Variants in DOCK9 observed in about 807,000 individuals in gnomAD.
DOCK9 encodes the protein dedicator of cytokinesis 9.
In DOCK9, 89 loss-of-function variants were observed where a neutral mutation model predicts 263.3. The ratio of observed to expected loss-of-function variants is 0.34; its 90% CI spans 0.28 to 0.40. The LOEUF (loss-of-function observed/expected upper bound fraction) is 0.40. Among genes scored for constraint, DOCK9 ranks in the 10% least tolerant of loss-of-function variants. The pLI, the probability that DOCK9 is intolerant of heterozygous loss-of-function variation, is 1.00. For synonymous variants in DOCK9, 976 were observed against 973.1 expected (o/e 1.00, Z -0.06); for missense variants, 2,140 against 2,603.4 (o/e 0.82, Z 3.87).
At chr13:99,060,656 T>C (rs1195628019) in intron 1 of DOCK9, among the ~76,000 whole-genome samples, 1 of 152,210 alleles carries the variant, frequency 6.6e-6, no homozygotes, top group Admixed American at 6.5e-5. Flanking sequence ...TTATAATATC[T>C]GTCTTTATAA....
chr13:98,936,445 C>A (rs2054842519), intron 2 of DOCK9, among the ~76,000 whole-genome samples: 1 of 151,898 alleles, frequency 6.6e-6, no homozygotes, highest in Non-Finnish European at 1.5e-5. Flanking sequence ...CATAGCGTGA[C>A]CTTGTCTCTA....
chr13:98,870,852 G>A (rs1259389818), intron 27 of DOCK9, among the ~76,000 whole-genome samples: 1 of 148,542 alleles, frequency 6.7e-6, no homozygotes, highest in Non-Finnish European at 1.5e-5. Context: ...AAACTGTGGG[G>A]AATTCTGCTG....
At chr13:99,023,777 G>C (rs547819092) in intron 1 of DOCK9, among the ~76,000 whole-genome samples, 4 of 152,242 alleles carry the variant, frequency 2.6e-5, no homozygotes, top group South Asian at 4.1e-4. Context: ...TCTCTCCATT[G>C]GCCTGTCAGC....
At chr13:98,996,840 T>C (rs1184441923) in intron 1 of DOCK9, among the ~76,000 whole-genome samples, 2 of 152,206 alleles carry the variant, frequency 1.3e-5, no homozygotes, top group African/African-American at 4.8e-5. Flanking sequence ...ATATTTCTTA[T>C]TATAATAACT....
chr13:98,803,272 T>C (rs1400197885), intron 49 of DOCK9, among the ~76,000 whole-genome samples: 1 of 152,222 alleles, frequency 6.6e-6, no homozygotes, highest in East Asian at 1.9e-4. Context: ...AACAAAATGA[T>C]GACCTGTAAC....
chr13:98,964,455 C>T (rs532188925), intron 1 of DOCK9, among the ~76,000 whole-genome samples: 40 of 152,178 alleles, frequency 2.6e-4, no homozygotes, highest in Non-Finnish European at 5.4e-4. Context: ...ATTGAGGATT[C>T]CCTGCAGAGA....
intron 43 of DOCK9, among the ~76,000 whole-genome samples, chr13:98,827,984 A>G (rs1248415084): frequency 6.6e-6 from 1 of 152,212 alleles, no homozygotes; most frequent in Admixed American, 6.5e-5. Flanking sequence ...ATTAGTTAAG[A>G]TGAGGTCATA....
At position 98,867,524 on chromosome 13, in the gene DOCK9, A is replaced by G; in HGVS notation, c.3187T>C (p.Tyr1063His). The G allele has an allele frequency of 6.2e-7, 1 of 1,605,790 alleles. No homozygotes were observed. Among genetic ancestry groups the G allele is most frequent in the Non-Finnish European group, 8.5e-7 (1 of 1,174,146 alleles). ...ACTACACGGAGAAATTCAAACTTGTATTCAAAGAGGGTCTGCAGGAAGAAG... is the reference window on the plus strand; with the variant it reads ...ACTACACGGAGAAATTCAAACTTGTGTTCAAAGAGGGTCTGCAGGAAGAAG... ...APGDPKTLFE[Y>H]KFEFLRVVCN... Residue 1063 changes from tyrosine (Y) to histidine (H), a missense_variant, in exon 30 of 53, where the codon TAC becomes CAC. By Grantham distance (83) the Tyr-to-His change is moderately conservative. Around this residue, in one of 2 missense-constraint regions of DOCK9, gnomAD observed 1,521 missense variants for 1,741.7 expected, o/e 0.87. Coordinates refer to ENST00000682017, the MANE Select transcript of DOCK9 (RefSeq NM_001366683.2).
rs1352636584 is a variant in DOCK9, at chr13:98,880,809, T to C, written c.2746-137A>G. ...GGAGAGGAAGGTGTGGATACAAAGATGGGAAGGGTGAGTGTCATGTGATAA... is the reference window on the plus strand; with the variant it reads ...GGAGAGGAAGGTGTGGATACAAAGACGGGAAGGGTGAGTGTCATGTGATAA... On this transcript the variant is annotated intron_variant, in intron 25 of 52. Transcript: ENST00000682017. 2.8e-5 allele frequency: 33 copies of C among 1,175,868 alleles called. No homozygotes were observed. The East Asian group carries it at 8.3e-4, about 30-fold the overall frequency. 72.8% of individuals were successfully genotyped at this position (1,175,868 alleles called of 1,614,324 possible).
At chr13:98,839,029 G>T (rs1401335390) in intron 38 of DOCK9, among the ~76,000 whole-genome samples, 2 of 152,174 alleles carry the variant, frequency 1.3e-5, no homozygotes, top group Admixed American at 1.3e-4. Flanking sequence ...TTATAGAGTG[G>T]TTTTTAAAAG....
chr13:98,819,163 A>G (rs1238384229), intron 45 of DOCK9, among the ~76,000 whole-genome samples: 6 of 152,114 alleles, frequency 3.9e-5, no homozygotes, highest in Non-Finnish European at 8.8e-5. Flanking sequence ...CGGGCCCCAC[A>G]CCCACCCAAC....
intron 9 of DOCK9, 66 bp from the exon 10 acceptor site, chr13:98,904,772 A>G (rs2048836865): frequency 3.6e-6 from 5 of 1,391,426 alleles, no homozygotes; most frequent in South Asian, 1.3e-5. Flanking sequence ...GCCCAAATAC[A>G]TTTAAAAGCT....
At chr13:99,049,280 C>T (rs967383985) in intron 1 of DOCK9, among the ~76,000 whole-genome samples, 2 of 152,196 alleles carry the variant, frequency 1.3e-5, no homozygotes, top group East Asian at 3.8e-4. Flanking sequence ...CTCAGAATAT[C>T]TGGCCAAAAG....
chr13:98,804,896 T>G, intron 49 of DOCK9, 103 bp downstream of exon 49: 1 of 1,233,398 alleles, frequency 8.1e-7, no homozygotes, highest in Non-Finnish European at 1.1e-6. Context: ...GGTGGCTAAC[T>G]GAGCTCGAAA....
At chr13:98,814,098 T>G (rs1035795300) in intron 45 of DOCK9, among the ~76,000 whole-genome samples, 2 of 152,238 alleles carry the variant, frequency 1.3e-5, no homozygotes, top group African/African-American at 4.8e-5. Flanking sequence ...AGATTCAAAG[T>G]AAATAAACAT....
At chr13:99,045,528 A>C (rs1172652502) in intron 1 of DOCK9, among the ~76,000 whole-genome samples, 1 of 152,160 alleles carries the variant, frequency 6.6e-6, no homozygotes, top group Non-Finnish European at 1.5e-5. Context: ...GATGTTGGTA[A>C]AAAGATACAA....
intron 48 of DOCK9, among the ~76,000 whole-genome samples, chr13:98,807,418 T>C (rs1251789613): frequency 6.6e-6 from 1 of 152,178 alleles, no homozygotes; most frequent in African/African-American, 2.4e-5. Context: ...AAATGACATA[T>C]CCTGTCAGAC....
chr13:98,878,927 CT>C (rs1185198896), intron 27 of DOCK9, among the ~76,000 whole-genome samples: 1 of 152,150 alleles, frequency 6.6e-6, no homozygotes, highest in East Asian at 1.9e-4. Context: ...CCTCTCCTGC[CT>C]ACAAGGATTG....
intron 1 of DOCK9, among the ~76,000 whole-genome samples, chr13:99,036,623 C>G (rs1222944525): frequency 6.6e-6 from 1 of 152,190 alleles, no homozygotes; most frequent in Admixed American, 6.5e-5. Flanking sequence ...CTCACTGCAA[C>G]CTCCGATTCC....
Sources: gnomAD v4.1 joint callset for allele counts (sites outside exome capture counted in the v4.1 genomes callset) on GRCh38, gnomAD v4.1.1 for gene constraint, gnomAD v4.1.1 regional missense constraint, MANE v1.5 for transcripts, NCBI Gene and HGNC (gene_info 2026-07-23, HGNC 2026-07-21) for gene names.